CCDC138: variants seen among roughly 807,000 people sequenced by gnomAD.
CCDC138 encodes coiled-coil domain containing 138.
In CCDC138, 66 loss-of-function variants were observed where a neutral mutation model predicts 82.3. The observed-to-expected ratio is 0.80, with a 90% CI of 0.66 to 0.98. The LOEUF is 0.98. Among genes scored for constraint, CCDC138 ranks in the 50% least tolerant of loss-of-function variants. The pLI is 0.00. For missense variants in CCDC138, 816 were observed against 758.9 expected (o/e 1.08, Z -0.88); for synonymous variants, 297 against 265.4 (o/e 1.12, Z -1.16).
chr2:108,825,927 AC>A (rs1373834307), intron 10 of CCDC138, among the ~76,000 whole-genome samples: 2 of 152,216 alleles, frequency 1.3e-5, no homozygotes, highest in East Asian at 3.8e-4. Flanking sequence ...GTCAAAACAT[AC>A]GGATTTAAAA....
intron 5 of CCDC138, among the ~76,000 whole-genome samples, chr2:108,797,324 G>C (rs1377757524): frequency 6.6e-6 from 1 of 152,148 alleles, no homozygotes. Flanking sequence ...AACCAATGAA[G>C]GAGAGCATTT....
At chr2:108,850,603 C>G (rs1042750733) in intron 12 of CCDC138, among the ~76,000 whole-genome samples, 2 of 152,090 alleles carry the variant, frequency 1.3e-5, no homozygotes, top group Admixed American at 1.3e-4. Flanking sequence ...AGGCACGCAC[C>G]ACCACACCCT....
rs765910084 is a variant in CCDC138 at position 108,798,620 on chromosome 2, ATTTC to A, written c.735+37_735+40del. 5.7e-5 allele frequency: 86 copies of A among 1,497,462 alleles called. No individual in the cohort carries two copies. In the African/African-American group the frequency reaches 9.3e-4, roughly 16 times the overall value. 92.8% of individuals were successfully genotyped at this position (1,497,462 alleles called of 1,614,324 possible). On this transcript the variant is annotated intron_variant, in intron 6 of 14. Transcript: ENST00000295124. ...ATAGCCTTTGATTTTAGAGTGGTATATTTCTTCTTTTCTTCTTAGATTCACTAGT... is the reference window on the plus strand; with the variant it reads ...ATAGCCTTTGATTTTAGAGTGGTATATTCTTTTCTTCTTAGATTCACTAGT...
At chr2:108,788,365 A>C (rs1300988276) in intron 2 of CCDC138, among the ~76,000 whole-genome samples, 1 of 151,506 alleles carries the variant, frequency 6.6e-6, no homozygotes, top group East Asian at 1.9e-4. Context: ...GGTTGCAGTG[A>C]GCCGAGATGG....
At chr2:108,865,446 CTT>C (rs796678363) in intron 13 of CCDC138, among the ~76,000 whole-genome samples, 2 of 152,164 alleles carry the variant, frequency 1.3e-5, no homozygotes, top group African/African-American at 4.8e-5. Flanking sequence ...AAAATATTTC[CTT>C]GTTTCTTCTT....
At chr2:108,817,739 A>G (rs1685038533) in intron 10 of CCDC138, among the ~76,000 whole-genome samples, 1 of 152,208 alleles carries the variant, frequency 6.6e-6, no homozygotes, top group African/African-American at 2.4e-5. Context: ...CCAGAAAGGA[A>G]CACAGCTCTG....
chr2:108,806,543 G>A (rs1682904693), intron 7 of CCDC138, among the ~76,000 whole-genome samples: 1 of 152,144 alleles, frequency 6.6e-6, no homozygotes. Context: ...TAGATAGTAA[G>A]TACTTTGGGC....
chr2:108,826,206 G>T (rs1480624375), intron 10 of CCDC138, among the ~76,000 whole-genome samples: 1 of 152,122 alleles, frequency 6.6e-6, no homozygotes, highest in African/African-American at 2.4e-5. Context: ...CCATTCAGTA[G>T]TTGTCTGTTG....
intron 13 of CCDC138, among the ~76,000 whole-genome samples, chr2:108,860,728 T>A (rs1331085402): frequency 6.6e-6 from 1 of 151,982 alleles, no homozygotes; most frequent in Admixed American, 6.6e-5. Context: ...GGATTTTTGC[T>A]TCTGTGTTGA....
chr2:108,874,879 A>G (rs1018683888), intron 14 of CCDC138, among the ~76,000 whole-genome samples: 6 of 151,986 alleles, frequency 3.9e-5, no homozygotes, highest in African/African-American at 1.4e-4. Flanking sequence ...AGCTGCAATA[A>G]CATTACTTAG....
rs774732104 is a variant in CCDC138 at position 108,846,886 on chromosome 2, T to G, written c.1472T>G (p.Leu491Trp). The G allele has an allele frequency of 3.1e-6, 5 of 1,613,294 alleles. No individual in the cohort carries two copies. Among genetic ancestry groups the G allele is most frequent in the Non-Finnish European group, 4.2e-6 (5 of 1,179,602 alleles). Residue 491 changes from leucine to tryptophan, a missense_variant, in exon 12 of 15, where the codon TTG becomes TGG. By Grantham distance (61) the Leu-to-Trp change is moderately conservative. Coordinates refer to ENST00000295124, the MANE Select transcript of CCDC138 (RefSeq NM_144978.3). The stretch of plus-strand genomic sequence containing the variant: ...TTCTTTAAGAGCTCCAATTTGCCAT[T>G]GAGATTTTTATCAACCTTAATTGTT... ...AAFFKSSNLP[L>W]RFLSTLIVLK...
downstream of CCDC138, among the ~76,000 whole-genome samples, chr2:108,879,046 T>G (rs1696208402): frequency 6.6e-6 from 1 of 152,190 alleles, no homozygotes; most frequent in South Asian, 2.1e-4. Flanking sequence ...TAAATAAATT[T>G]GAAAATCTGA....
chr2:108,796,235 T>C (rs533218714), intron 5 of CCDC138, among the ~76,000 whole-genome samples: 233 of 151,766 alleles, frequency 1.5e-3, no homozygotes, highest in Non-Finnish European at 2.7e-3. Context: ...TTTGTATTTT[T>C]AGTAGAGATG....
At chr2:108,809,870 A>T (rs1683507565) in intron 7 of CCDC138, among the ~76,000 whole-genome samples, 1 of 152,136 alleles carries the variant, frequency 6.6e-6, no homozygotes, top group Non-Finnish European at 1.5e-5. Flanking sequence ...CAGCAGCACG[A>T]TATCTGCTCA....
At chr2:108,855,616 G>A (rs981177568) in intron 12 of CCDC138, among the ~76,000 whole-genome samples, 1 of 152,106 alleles carries the variant, frequency 6.6e-6, no homozygotes, top group Non-Finnish European at 1.5e-5. Context: ...GTACAGTAAT[G>A]TTGGTGTTCC....
intron 10 of CCDC138, among the ~76,000 whole-genome samples, chr2:108,834,043 G>A: frequency 6.6e-6 from 1 of 151,148 alleles, no homozygotes; most frequent in East Asian, 1.9e-4. Context: ...ACCGTGCCCA[G>A]CCAATGTGGA....
intron 11 of CCDC138, among the ~76,000 whole-genome samples, chr2:108,843,844 T>TGTGTGTG (rs1689930793): frequency 4.4e-5 from 1 of 22,836 alleles, no homozygotes; most frequent in African/African-American, 6.5e-5. Context: ...AGTTCATGTT[T>TGTGTGTG]TGTGTGTGTG....
chr2:108,806,571 C>G (rs577900884), intron 7 of CCDC138, among the ~76,000 whole-genome samples: 2 of 152,250 alleles, frequency 1.3e-5, no homozygotes, highest in South Asian at 4.1e-4. Context: ...GCCATGTGGT[C>G]TCTCTTTCAG....
intron 10 of CCDC138, 123 bp downstream of exon 10, chr2:108,816,228 A>C (rs1275209547): frequency 1.5e-6 from 1 of 680,426 alleles, no homozygotes; most frequent in Non-Finnish European, 2.4e-6. Context: ...AGCTGGGCAG[A>C]TCACCTGAGG....
Sources: gnomAD v4.1 joint callset for allele counts (sites outside exome capture counted in the v4.1 genomes callset) on GRCh38, gnomAD v4.1.1 for gene constraint, MANE v1.5 for transcripts, NCBI Gene and HGNC (gene_info 2026-07-23, HGNC 2026-07-21) for gene names.